Variants in CDH4 observed in about 807,000 individuals in gnomAD.
CDH4 encodes cadherin-4.
Under a neutral mutation model 86.0 loss-of-function variants are expected in CDH4, and 33 were observed. The observed-to-expected ratio is 0.38, with a 90% CI of 0.29 to 0.51. CDH4 has a LOEUF of 0.51. CDH4 is among the 20% of genes least tolerant of loss of function. The probability of loss-of-function intolerance (pLI) is 0.86; values close to 1 mark genes in which losing one functional copy is unlikely to be tolerated. For synonymous variants in CDH4, 555 were observed against 549.4 expected (o/e 1.01, Z -0.14); for missense variants, 1,114 against 1,307.4 (o/e 0.85, Z 2.28).
intron 2 of CDH4, among the ~76,000 whole-genome samples, chr20:61,521,962 T>G (rs372271594): frequency 3.9e-5 from 6 of 152,314 alleles, no homozygotes; most frequent in African/African-American, 1.4e-4. Flanking sequence ...GCATAGATCT[T>G]GGTGTAACTG....
intron 2 of CDH4, among the ~76,000 whole-genome samples, chr20:61,355,946 T>A (rs764368711): frequency 6.6e-6 from 1 of 152,230 alleles, no homozygotes; most frequent in African/African-American, 2.4e-5. Flanking sequence ...CTGGAAATGA[T>A]CAAGTTGTCA....
intron 4 of CDH4, among the ~76,000 whole-genome samples, chr20:61,781,523 G>A (rs1568812143): frequency 6.6e-6 from 1 of 152,224 alleles, no homozygotes. Flanking sequence ...GTTCACAAGT[G>A]GATTGCTGAG....
At chr20:61,407,152 T>C (rs761173612) in intron 2 of CDH4, among the ~76,000 whole-genome samples, 1 of 152,242 alleles carries the variant, frequency 6.6e-6, no homozygotes, top group African/African-American at 2.4e-5. Context: ...GTGAGGTCCC[T>C]GTGAAGACTC....
chr20:61,560,214 A>C (rs529122691), intron 2 of CDH4, among the ~76,000 whole-genome samples: 3 of 152,096 alleles, frequency 2.0e-5, no homozygotes, highest in African/African-American at 7.2e-5. Flanking sequence ...GGTGCTCCCC[A>C]CTTTTATCAA....
chr20:61,744,588 GGAGA>G (rs1212707168), intron 3 of CDH4, among the ~76,000 whole-genome samples: 3 of 119,628 alleles, frequency 2.5e-5, no homozygotes, highest in South Asian at 2.7e-4. Flanking sequence ...GGAAAGGGAG[GGAGA>G]GAGAGAGACA....
intron 2 of CDH4, among the ~76,000 whole-genome samples, chr20:61,598,195 C>A (rs531987969): frequency 6.6e-6 from 1 of 152,220 alleles, no homozygotes; most frequent in Admixed American, 6.5e-5. Flanking sequence ...CTCTGATCTG[C>A]TGAATTGCTG....
chr20:61,383,982 A>G (rs2084937159), intron 2 of CDH4, among the ~76,000 whole-genome samples: 1 of 151,982 alleles, frequency 6.6e-6, no homozygotes, highest in Admixed American at 6.6e-5. Flanking sequence ...TTCGAGTTCC[A>G]AAACTGAAGC....
At chr20:61,817,314 T>C (rs2146057692) in intron 4 of CDH4, among the ~76,000 whole-genome samples, 3 of 152,168 alleles carry the variant, frequency 2.0e-5, no homozygotes, top group Middle Eastern at 6.8e-3. Context: ...TGCACCCAGC[T>C]CTCACCTCTG....
At chr20:61,607,237 C>T (rs1022510118) in intron 2 of CDH4, among the ~76,000 whole-genome samples, 10 of 152,200 alleles carry the variant, frequency 6.6e-5, no homozygotes, top group African/African-American at 2.4e-4. Flanking sequence ...TTTCCCTAGC[C>T]CCAGGGTGCA....
intron 2 of CDH4, among the ~76,000 whole-genome samples, chr20:61,649,813 C>G (rs1411068289): frequency 6.6e-6 from 1 of 152,226 alleles, no homozygotes; most frequent in African/African-American, 2.4e-5. Flanking sequence ...GCCCTGGACT[C>G]ACTCGTTATT....
chr20:61,570,940 G>T (rs866045794), intron 2 of CDH4, among the ~76,000 whole-genome samples: 10 of 152,204 alleles, frequency 6.6e-5, no homozygotes, highest in African/African-American at 2.4e-4. Context: ...GGTCTGTGTG[G>T]GTGCAGGGCT....
intron 2 of CDH4, among the ~76,000 whole-genome samples, chr20:61,535,002 A>G (rs1461839652): frequency 6.6e-6 from 1 of 152,194 alleles, no homozygotes; most frequent in African/African-American, 2.4e-5. Flanking sequence ...TTAAAGGGAC[A>G]ATCAAATAGA....
At chr20:61,882,925 A>C (rs1600734528) in intron 7 of CDH4, among the ~76,000 whole-genome samples, 1 of 149,716 alleles carries the variant, frequency 6.7e-6, no homozygotes, top group East Asian at 2.0e-4. Context: ...GACGGAAGCC[A>C]CTCAGACCAC....
rs1348150028 is a variant in CDH4 at position 61,623,532 on chromosome 20, TAATC to T, written c.170-120028_170-120025del. Among the ~76,000 whole-genome samples, 3 of 152,114 alleles carry T rather than the reference TAATC, an allele frequency of 2.0e-5. No individual in the cohort carries two copies. The highest frequency in any genetic ancestry group is 6.5e-5 in the Admixed American group (1 of 15,278). On this transcript the variant is annotated intron_variant, in intron 2 of 15. Coordinates refer to ENST00000614565, the MANE Select transcript of CDH4 (RefSeq NM_001794.5). This position sits in a 1 kb window ranked among gnomAD's most constrained non-coding sequence, Gnocchi z 4.4. ...AATTGAATACCTAAAAAAGTATAATTAATCAAACCATATCAAGAGAGCCCGCAGG... is the reference window on the plus strand; with the variant it reads ...AATTGAATACCTAAAAAAGTATAATTAAACCATATCAAGAGAGCCCGCAGG...
At chr20:61,445,804 A>G (rs922888523) in intron 2 of CDH4, among the ~76,000 whole-genome samples, 2 of 152,242 alleles carry the variant, frequency 1.3e-5, no homozygotes, top group Admixed American at 1.3e-4. Flanking sequence ...TGCTGGCTGG[A>G]CGCCATGGTC....
At chr20:61,472,896 A>G (rs1011498901) in intron 2 of CDH4, among the ~76,000 whole-genome samples, 1 of 152,194 alleles carries the variant, frequency 6.6e-6, no homozygotes, top group Non-Finnish European at 1.5e-5. Flanking sequence ...CCAACCCTCC[A>G]CAAAATTAGA....
chr20:61,339,748 T>C (rs1181967010), intron 2 of CDH4, among the ~76,000 whole-genome samples: 1 of 152,184 alleles, frequency 6.6e-6, no homozygotes. Flanking sequence ...GACACCTAGA[T>C]ATTTCCTCAT....
intron 2 of CDH4, among the ~76,000 whole-genome samples, chr20:61,527,290 G>A (rs1568878232): frequency 6.6e-6 from 1 of 150,952 alleles, no homozygotes. Context: ...TCACTCTGTT[G>A]CCCAGGCTGG....
At chr20:61,479,764 G>A (rs1263508707) in intron 2 of CDH4, among the ~76,000 whole-genome samples, 2 of 152,136 alleles carry the variant, frequency 1.3e-5, no homozygotes, top group Admixed American at 6.5e-5. Context: ...TGGGAAAATC[G>A]TGGTCATGAT....
Sources: gnomAD v4.1 joint callset for allele counts (sites outside exome capture counted in the v4.1 genomes callset) on GRCh38, gnomAD v4.1.1 for gene constraint, Gnocchi (gnomAD v3.1) non-coding constraint, MANE v1.5 for transcripts, NCBI Gene and HGNC (gene_info 2026-07-23, HGNC 2026-07-21) for gene names.